NPFFR2: variants seen among roughly 807,000 people sequenced by gnomAD.
The protein encoded by NPFFR2 is G-protein coupled receptor 74.
NPFFR2 carries 15 observed loss-of-function variants against 13.1 expected under a neutral mutation model. That is an observed-to-expected ratio of 1.15 (90% CI 0.77 to 1.76). NPFFR2 has a LOEUF of 1.76. NPFFR2 is among the 40% of genes most tolerant of loss of function. The probability of loss-of-function intolerance (pLI) is 0.00; values close to 1 mark genes in which losing one functional copy is unlikely to be tolerated. For synonymous variants in NPFFR2, 190 were observed against 175.7 expected (o/e 1.08, Z -0.65); for missense variants, 572 against 503.5 (o/e 1.14, Z -1.30).
At chr4:72,130,310 G>A (rs1045843239) in intron 2 of NPFFR2, among the ~76,000 whole-genome samples, 2 of 148,350 alleles carry the variant, frequency 1.3e-5, no homozygotes, top group African/African-American at 5.2e-5. Flanking sequence ...ATATGATTAT[G>A]TCTTCAGTCT....
At chr4:72,130,975 C>A (rs116767637) in intron 2 of NPFFR2, among the ~76,000 whole-genome samples, 7 of 152,120 alleles carry the variant, frequency 4.6e-5, no homozygotes, top group African/African-American at 1.2e-4. Context: ...AGAGCTGGAA[C>A]GGGGATGGAG....
At chr4:72,051,533 G>C (rs1027783018) in intron 1 of NPFFR2, among the ~76,000 whole-genome samples, 2 of 150,846 alleles carry the variant, frequency 1.3e-5, no homozygotes, top group Non-Finnish European at 3.0e-5. Flanking sequence ...ATGCCCACAA[G>C]AGAAAGCAGG....
chr4:72,127,164 C>T (rs1052744221), intron 1 of NPFFR2, among the ~76,000 whole-genome samples: 5 of 150,152 alleles, frequency 3.3e-5, no homozygotes, highest in African/African-American at 4.9e-5. Flanking sequence ...ATTCGCTGGG[C>T]GTGGTGGCGG....
At position 72,032,747 on chromosome 4, in the gene NPFFR2, A is replaced by G. The variant is rs139199078; in HGVS notation, c.-8+547A>G. On this transcript the variant is annotated intron_variant, in intron 1 of 3. Coordinates refer to ENST00000308744, the MANE Select transcript of NPFFR2 (RefSeq NM_004885.3). Reference sequence around the variant, plus strand: ...GGGAGTGAGATAGGGTTTCCAGACAATACCATTTTAGTTCTTCTGTCAAAC... The same window carrying G: ...GGGAGTGAGATAGGGTTTCCAGACAGTACCATTTTAGTTCTTCTGTCAAAC... 3.5e-4 allele frequency among the ~76,000 whole-genome samples: 53 copies of G among 152,270 alleles called. No homozygotes were observed. The East Asian group carries it at 8.5e-3, about 24-fold the overall frequency.
In NPFFR2 at chr4:72,096,973, C is replaced by A. The variant is rs142725568; in HGVS notation, c.-7-31612C>A. Among the ~76,000 whole-genome samples, 726 of 151,952 alleles carry A rather than the reference C, an allele frequency of 4.8e-3. 9 individuals carry two copies. Among genetic ancestry groups the A allele is most frequent in the African/African-American group, 0.016 (670 of 41,492 alleles). On this transcript the variant is annotated intron_variant, in intron 1 of 3. Coordinates refer to ENST00000308744, the MANE Select transcript of NPFFR2 (RefSeq NM_004885.3). ...TTAAAAGTTTAAGTTGTTCTATAGA[C>A]AATTTAGAATGTAAAATAATGCTTA...
At chr4:72,060,744 C>G (rs1046826705) in intron 1 of NPFFR2, among the ~76,000 whole-genome samples, 2 of 152,080 alleles carry the variant, frequency 1.3e-5, no homozygotes, top group Admixed American at 1.3e-4. Flanking sequence ...CCGATGAGGT[C>G]AGAAGCCAAC....
intron 1 of NPFFR2, among the ~76,000 whole-genome samples, chr4:72,051,173 C>G (rs904210814): frequency 6.6e-6 from 1 of 151,598 alleles, no homozygotes; most frequent in Non-Finnish European, 1.5e-5. Flanking sequence ...TTCTAGATCC[C>G]TGAGGAGTTG....
intron 1 of NPFFR2, among the ~76,000 whole-genome samples, chr4:72,121,928 A>C (rs1721892887): frequency 1.3e-5 from 2 of 152,326 alleles, no homozygotes; most frequent in Admixed American, 1.3e-4. Flanking sequence ...AAATGGGCTA[A>C]ATGCCCCAAG....
intron 1 of NPFFR2, among the ~76,000 whole-genome samples, chr4:72,055,513 C>G (rs866472782): frequency 2.0e-5 from 3 of 151,878 alleles, no homozygotes; most frequent in Non-Finnish European, 4.4e-5. Flanking sequence ...TGAGACAAAA[C>G]GATATCAAAA....
At chr4:72,036,666 A>G (rs976294553) in intron 1 of NPFFR2, among the ~76,000 whole-genome samples, 23 of 150,608 alleles carry the variant, frequency 1.5e-4, no homozygotes, top group African/African-American at 5.6e-4. Context: ...TCCCATAATG[A>G]AAAAAATTTG....
Position 72,050,868 on chromosome 4 carries a change from G to T in NPFFR2, c.-8+18668G>T, listed in dbSNP as rs529499386. Among the ~76,000 whole-genome samples, 46 of 151,200 alleles carry T rather than the reference G, an allele frequency of 3.0e-4. No individual in the cohort carries two copies. The East Asian group carries it at 8.5e-3, about 28-fold the overall frequency. On this transcript the variant is annotated intron_variant, in intron 1 of 3. Transcript: ENST00000308744. ...TATGAGTGAGAATATGCGGTGTTTG[G>T]TTTTTGTTCTTGCGATAGTTTACTG...
chr4:72,116,469 G>A (rs192473923), intron 1 of NPFFR2, among the ~76,000 whole-genome samples: 1 of 151,778 alleles, frequency 6.6e-6, no homozygotes, highest in African/African-American at 2.4e-5. Context: ...TGTGTACTAT[G>A]CTCACTACCT....
At chr4:72,116,667 A>G (rs1053052289) in intron 1 of NPFFR2, among the ~76,000 whole-genome samples, 21 of 152,224 alleles carry the variant, frequency 1.4e-4, no homozygotes, top group African/African-American at 4.8e-4. Context: ...GAAACCTATA[A>G]ACAGTTCACT....
chr4:72,128,994 G>GTTCA, intron 2 of NPFFR2, 75 bp downstream of exon 2: 1 of 1,129,492 alleles, frequency 8.9e-7, no homozygotes, highest in Non-Finnish European at 1.3e-6. Flanking sequence ...TGGCAGGGCT[G>GTTCA]TTCATTCATT....
chr4:72,104,433 T>C (rs1037229269), intron 1 of NPFFR2, among the ~76,000 whole-genome samples: 1 of 152,112 alleles, frequency 6.6e-6, no homozygotes, highest in Non-Finnish European at 1.5e-5. Context: ...AGATAATGTA[T>C]AGTGAACTTC....
In NPFFR2 at chr4:72,087,560, AATCT is replaced by A. The variant is rs1354015681; in HGVS notation, c.-7-41024_-7-41021del. On this transcript the variant is annotated intron_variant, in intron 1 of 3. Coordinates refer to ENST00000308744, the MANE Select transcript of NPFFR2 (RefSeq NM_004885.3). ...TAATACATGATGGTCTTGTGTAGGT[AATCT>A]TCTTCAGTTGTGATGGATGAGAGCC... Among the ~76,000 whole-genome samples, 15 of 32,380 alleles carry A rather than the reference AATCT, an allele frequency of 4.6e-4. No individual in the cohort carries two copies. In the South Asian group the frequency reaches 6.5e-3, roughly 14 times the overall value. 21.2% of individuals were successfully genotyped at this position (32,380 alleles called of 152,430 possible).
intron 1 of NPFFR2, among the ~76,000 whole-genome samples, chr4:72,105,955 C>A (rs1362665690): frequency 6.6e-6 from 1 of 151,918 alleles, no homozygotes; most frequent in Non-Finnish European, 1.5e-5. Context: ...ATTATTGAGA[C>A]CACCATACAG....
At chr4:72,111,257 G>A (rs1466050199) in intron 1 of NPFFR2, among the ~76,000 whole-genome samples, 2 of 151,998 alleles carry the variant, frequency 1.3e-5, no homozygotes, top group Admixed American at 1.3e-4. Context: ...ATTATCAATT[G>A]TGCAGGCAAA....
chr4:72,055,288 G>A (rs4508851), intron 1 of NPFFR2, among the ~76,000 whole-genome samples: 135,156 of 151,646 alleles, frequency 0.89, 61,331 homozygotes, highest in Non-Finnish European at 0.98. Context: ...GTCACATTTC[G>A]GTAATTCTTG....
Sources: gnomAD v4.1 joint callset for allele counts (sites outside exome capture counted in the v4.1 genomes callset) on GRCh38, gnomAD v4.1.1 for gene constraint, MANE v1.5 for transcripts, NCBI Gene and HGNC (gene_info 2026-07-23, HGNC 2026-07-21) for gene names.